SLC29A3: variants seen among roughly 807,000 people sequenced by gnomAD.
SLC29A3 encodes the protein equilibrative nucleoside transporter 3.
In SLC29A3, 18 loss-of-function variants were observed where a neutral mutation model predicts 25.4. The ratio of observed to expected loss-of-function variants is 0.71; its 90% CI spans 0.49 to 1.05. The LOEUF is 1.05. Ranked by LOEUF, SLC29A3 falls within the 50% of genes least tolerant of loss-of-function variation. SLC29A3 has a pLI of 0.00. For missense variants in SLC29A3, 586 were observed against 609.0 expected (o/e 0.96, Z 0.40); for synonymous variants, 258 against 267.1 (o/e 0.97, Z 0.33).
chr10:71,324,880 G>A (rs925824987), intron 2 of SLC29A3, among the ~76,000 whole-genome samples: 11 of 152,276 alleles, frequency 7.2e-5, no homozygotes, highest in African/African-American at 1.9e-4. Context: ...AGTCAGGACT[G>A]GGGGGTCGGG....
chr10:71,361,884 C>A, intron 5 of SLC29A3, 70 bp from the exon 6 acceptor site: 1 of 1,587,972 alleles, frequency 6.3e-7, no homozygotes, highest in Non-Finnish European at 8.6e-7. Flanking sequence ...GTTCTGAGTG[C>A]CCACCCCTGG....
chr10:71,359,590 T>A (rs536756039), intron 5 of SLC29A3, among the ~76,000 whole-genome samples: 14 of 152,332 alleles, frequency 9.2e-5, no homozygotes, highest in African/African-American at 3.1e-4. Context: ...TGATTCTGGA[T>A]TCTGGGGACG....
chr10:71,323,674 T>G (rs954006937), intron 2 of SLC29A3, among the ~76,000 whole-genome samples: 1 of 152,252 alleles, frequency 6.6e-6, no homozygotes, highest in Non-Finnish European at 1.5e-5. Flanking sequence ...CAGAACCATG[T>G]GCCTGCTAAA....
At chr10:71,373,089 T>A (rs1470740445) in intron 3 of SLC29A3, among the ~76,000 whole-genome samples, 1 of 152,196 alleles carries the variant, frequency 6.6e-6, no homozygotes, top group Admixed American at 6.5e-5. Flanking sequence ...CTATCTGTCC[T>A]CTGGAATTCA....
At chr10:71,335,697 C>A (rs760982460) in intron 2 of SLC29A3, among the ~76,000 whole-genome samples, 13 of 152,196 alleles carry the variant, frequency 8.5e-5, no homozygotes, top group East Asian at 3.9e-4. Flanking sequence ...GACCATGGGG[C>A]CTTCAGAGGG....
At chr10:71,354,942 A>G (rs559022804) in intron 4 of SLC29A3, among the ~76,000 whole-genome samples, 3 of 152,348 alleles carry the variant, frequency 2.0e-5, no homozygotes, top group Non-Finnish European at 2.9e-5. Context: ...AGTGTTCCCA[A>G]GCAATGCTGC....
chr10:71,367,886 T>C (rs1413045544), downstream of SLC29A3, among the ~76,000 whole-genome samples: 1 of 152,214 alleles, frequency 6.6e-6, no homozygotes, highest in Non-Finnish European at 1.5e-5. Context: ...ACCTCCTAGC[T>C]GGGTCACTTT....
intron 5 of SLC29A3, among the ~76,000 whole-genome samples, chr10:71,356,985 C>T (rs1048833009): frequency 1.3e-5 from 2 of 152,062 alleles, no homozygotes; most frequent in African/African-American, 2.4e-5. Flanking sequence ...TTTCACTCTG[C>T]AGGCCAGGCT....
downstream of SLC29A3, among the ~76,000 whole-genome samples, chr10:71,364,048 C>T (rs1282409382): frequency 6.6e-6 from 1 of 151,996 alleles, no homozygotes; most frequent in Non-Finnish European, 1.5e-5. Context: ...GATGGCCAGC[C>T]TGCTGTAACC....
intron 2 of SLC29A3, among the ~76,000 whole-genome samples, chr10:71,329,461 A>AAG (rs1846069176): frequency 6.6e-6 from 1 of 151,602 alleles, no homozygotes; most frequent in African/African-American, 2.4e-5. Flanking sequence ...CTGTCTCAAA[A>AAG]AAAAAAAAAA....
At chr10:71,342,496 G>A (rs1336543803) in intron 2 of SLC29A3, among the ~76,000 whole-genome samples, 2 of 152,246 alleles carry the variant, frequency 1.3e-5, no homozygotes, top group Non-Finnish European at 2.9e-5. Context: ...GGCACATTCA[G>A]TTACCTGAAA....
chr10:71,375,907 AGAACTTCT>A (rs1275677608), intron 4 of SLC29A3: 1 of 152,266 alleles, frequency 6.6e-6, no homozygotes, highest in African/African-American at 2.4e-5. Flanking sequence ...AAGAAAAATA[AGAACTTCT>A]GGGGCCACTG....
chr10:71,348,910 G>A (rs943079668), intron 3 of SLC29A3, among the ~76,000 whole-genome samples: 1 of 152,232 alleles, frequency 6.6e-6, no homozygotes, highest in East Asian at 1.9e-4. Flanking sequence ...AGCAGAGGAT[G>A]CCTTATCAAG....
intron 2 of SLC29A3, among the ~76,000 whole-genome samples, chr10:71,335,815 A>G (rs1322894289): frequency 4.6e-5 from 7 of 152,052 alleles, no homozygotes; most frequent in Non-Finnish European, 8.8e-5. Flanking sequence ...ATGTATGGGT[A>G]GAGGTCATGA....
intron 2 of SLC29A3, among the ~76,000 whole-genome samples, chr10:71,330,480 G>T (rs1297768351): frequency 4.6e-5 from 7 of 152,258 alleles, no homozygotes; most frequent in Non-Finnish European, 1.5e-5. Flanking sequence ...AGGTGGATTG[G>T]TCCTGTCTCA....
At chr10:71,339,610 T>G (rs1846343468) in intron 2 of SLC29A3, among the ~76,000 whole-genome samples, 1 of 152,138 alleles carries the variant, frequency 6.6e-6, no homozygotes, top group Non-Finnish European at 1.5e-5. Context: ...TGTGGTTTGC[T>G]TCAGCTCAGG....
chr10:71,362,556 T>C lies in SLC29A3; in HGVS notation c.1376T>C (p.Leu459Ser). ...GTGGTGATGTCCTTTTATGTGTGCTTGGGCTTAACACTGGGCTCAGCCTGC... is the reference window on the plus strand; with the variant it reads ...GTGGTGATGTCCTTTTATGTGTGCTCGGGCTTAACACTGGGCTCAGCCTGC... ...TGVVMSFYVC[L>S]GLTLGSACST... is the part of the protein sequence containing the mutation. Residue 459 changes from leucine to serine, a missense_variant, in exon 6 of 6, where the codon TTG (leucine) becomes TCG (serine). By Grantham distance (145) the Leu-to-Ser change is moderately radical (BLOSUM62 -2). Coordinates refer to ENST00000373189, the MANE Select transcript of SLC29A3 (RefSeq NM_018344.6). 6.2e-7 allele frequency: 1 copy of C among 1,614,158 alleles called. No individual in the cohort carries two copies. The highest frequency in any genetic ancestry group is 8.5e-7 in the Non-Finnish European group (1 of 1,180,034).
At chr10:71,349,246 T>C (rs955275344) in intron 3 of SLC29A3, among the ~76,000 whole-genome samples, 3 of 152,166 alleles carry the variant, frequency 2.0e-5, no homozygotes, top group African/African-American at 7.2e-5. Context: ...ATGTCCTCTT[T>C]AAGTGAAAAT....
chr10:71,324,582 T>C (rs1845923608), intron 2 of SLC29A3, among the ~76,000 whole-genome samples: 1 of 152,222 alleles, frequency 6.6e-6, no homozygotes, highest in African/African-American at 2.4e-5. Context: ...TTGCAGGGGT[T>C]CATTTATATG....
Sources: allele counts gnomAD v4.1 joint callset (sites outside exome capture counted in the v4.1 genomes callset), GRCh38; gene constraint gnomAD v4.1.1; transcripts MANE v1.5; gene names NCBI Gene and HGNC (gene_info 2026-07-23, HGNC 2026-07-21).